Variants in AMN observed in about 807,000 individuals in gnomAD.
AMN encodes the protein protein amnionless.
AMN carries 40 observed loss-of-function variants against 49.1 expected under a neutral mutation model. The observed-to-expected ratio is 0.81, with a 90% confidence interval of 0.63 to 1.06. The LOEUF (loss-of-function observed/expected upper bound fraction) is 1.06. Among genes scored for constraint, AMN ranks in the 50% least tolerant of loss-of-function variants. The probability of loss-of-function intolerance (pLI) is 0.00; values close to 1 mark genes in which losing one functional copy is unlikely to be tolerated. For synonymous variants in AMN, 380 were observed against 313.3 expected (o/e 1.21, Z -2.25); for missense variants, 701 against 662.8 (o/e 1.06, Z -0.63).
In AMN at chr14:102,930,415, G is replaced by T; in HGVS notation, c.1179G>T (p.Arg393Ser). The part of the protein sequence containing the change: ...LRRAGRLRWR[R>S]HEAAAPAGAP... ...CCCGCTACGCCCTCAGGTGGAGGAGGCACGAGGCGGCGGCCCCGGCTGGAG... is the reference window on the plus strand; with the variant it reads ...CCCGCTACGCCCTCAGGTGGAGGAGTCACGAGGCGGCGGCCCCGGCTGGAG... The change falls in exon 11 of 12, where the codon AGG becomes AGT. Residue 393 changes from arginine (R) to serine (S), a missense_variant. Transcript: ENST00000299155. 1 of 1,519,780 alleles carries T rather than the reference G, an allele frequency of 6.6e-7. No individual in the cohort carries two copies. Among genetic ancestry groups the T allele is most frequent in the East Asian group, 2.5e-5 (1 of 39,446 alleles). The allele number at this position is 1,519,780 out of a possible 1,614,324, so 94.1% of individuals were successfully genotyped here. A position where few individuals can be genotyped will look rare whatever the true frequency, so the allele number is the denominator to read the frequency against.
intron 3 of AMN, among the ~76,000 whole-genome samples, chr14:102,926,223 C>G (rs1313722213): frequency 1.3e-5 from 2 of 152,234 alleles, no homozygotes; most frequent in Non-Finnish European, 2.9e-5. Context: ...GCGTCTGCTC[C>G]TCAGTCACAA....
rs766554192 is a variant in AMN at position 102,928,438 on chromosome 14, G to A, written c.220G>A (p.Asp74Asn). ...GTGTCTCTTGCAGCTCCTGCCGCTG[G>A]ATGGGGAACTCGTCCTGGCTTCAGG... ...HAVSDMLLPL[D>N]GELVLASGAG... Residue 74 changes from aspartate (D) to asparagine (N), a missense_variant, in exon 4 of 12, where the codon GAT (aspartate) becomes AAT (asparagine). Physicochemically the swap from Asp to Asn is conservative, Grantham distance 23. Coordinates refer to ENST00000299155, the MANE Select transcript of AMN (RefSeq NM_030943.4). 6.2e-7 allele frequency: 1 copy of A among 1,605,922 alleles called. No individual in the cohort carries two copies. Among genetic ancestry groups the A allele is most frequent in the East Asian group, 2.3e-5 (1 of 44,432 alleles).
intron 3 of AMN, among the ~76,000 whole-genome samples, chr14:102,924,664 G>C (rs1891147209): frequency 6.6e-6 from 1 of 152,168 alleles, no homozygotes; most frequent in Non-Finnish European, 1.5e-5. Flanking sequence ...TTCTCAAACT[G>C]CTTCACACAA....
chr14:102,930,821 C>T lies in AMN; in HGVS notation c.*141C>T, dbSNP rs926666234. The T allele has an allele frequency of 2.0e-6, 2 of 990,278 alleles. No homozygotes were observed. Among genetic ancestry groups the T allele is most frequent in the Admixed American group, 4.1e-5 (2 of 49,302 alleles). 61.3% of individuals were successfully genotyped at this position (990,278 alleles called of 1,614,324 possible). A position where few individuals can be genotyped will look rare whatever the true frequency, so the allele number is the denominator to read the frequency against. On this transcript the variant is annotated 3_prime_UTR_variant, in exon 12 of 12. Transcript: ENST00000299155. ...GGGGGCCAAGGACAGGGTGGCCTTA[C>T]TCAGTAAAGGTGTTTCCTGCACCTG...
In AMN at chr14:102,929,241, G is replaced by T. The variant is rs752884400; in HGVS notation, c.634G>T (p.Val212Phe). The T allele has an allele frequency of 3.1e-5, 46 of 1,505,458 alleles. No homozygotes were observed. Among genetic ancestry groups the T allele is most frequent in the South Asian group, 5.1e-5 (4 of 77,984 alleles). The allele number at this position is 1,505,458 out of a possible 1,614,324, so 93.3% of individuals were successfully genotyped here. ...PEDCADPSGC[V>F]CGNAEAQPWI... Reference sequence around the variant, plus strand: ...GGACTGCGCGGACCCGTCGGGCTGCGTCTGCGGCAACGCGGAGGTGAGCGA... The same window carrying T: ...GGACTGCGCGGACCCGTCGGGCTGCTTCTGCGGCAACGCGGAGGTGAGCGA... Residue 212 changes from valine (V) to phenylalanine (F), a missense_variant, in exon 6 of 12, where the codon GTC becomes TTC. Physicochemically the swap from Val to Phe is conservative, Grantham distance 50. Transcript: ENST00000299155.
At position 102,930,626 on chromosome 14, in the gene AMN, C is replaced by T. The variant is rs772425937; in HGVS notation, c.1308C>T (p.Thr436=). Residue 436 remains threonine (T), a synonymous_variant, in exon 12 of 12, where the codon ACC becomes ACT. Transcript: ENST00000299155. ...SLVPKAAADS[T]SHSYFVNPLF... ...TTCCGAAGGCGGCCGCAGACAGCACCAGCCACAGTTACTTCGTCAACCCTC... is the reference window on the plus strand; with the variant it reads ...TTCCGAAGGCGGCCGCAGACAGCACTAGCCACAGTTACTTCGTCAACCCTC... 3.7e-6 allele frequency: 6 copies of T among 1,601,016 alleles called. No individual in the cohort carries two copies. The highest frequency in any genetic ancestry group is 5.1e-6 in the Non-Finnish European group (6 of 1,175,106).
At chr14:102,923,621 G>A in intron 1 of AMN, 90 bp from the exon 2 acceptor site, 3 of 1,186,444 alleles carry the variant, frequency 2.5e-6, no homozygotes, top group East Asian at 4.7e-5. Context: ...TGATCCGCGC[G>A]GACCTTCCGC....
In AMN at chr14:102,929,523, C is replaced by T; in HGVS notation, c.747C>T (p.Cys249=). ...CHSALRPQGQ[C]CDLCGAVVLL... is the part of the protein sequence containing the mutation. ...GCGCCCTCCGGCCCCAGGGGCAGTG[C>T]TGTGACCTCTGTGGTAAGCGCCCCC... The change falls in exon 7 of 12, where the codon TGC becomes TGT. Residue 249 remains cysteine, a synonymous_variant. Coordinates refer to ENST00000299155, the MANE Select transcript of AMN (RefSeq NM_030943.4). 1.3e-6 allele frequency: 2 copies of T among 1,537,100 alleles called. No homozygotes were observed. Among genetic ancestry groups the T allele is most frequent in the South Asian group, 1.2e-5 (1 of 83,962 alleles).
rs764848388 is a variant in AMN, at chr14:102,928,925, G to C, written c.463G>C (p.Gly155Arg). The C allele has an allele frequency of 3.7e-6, 6 of 1,601,436 alleles. No individual in the cohort carries two copies. The highest frequency in any genetic ancestry group is 5.1e-6 in the Non-Finnish European group (6 of 1,179,772). Residue 155 changes from glycine to arginine, a missense_variant, in exon 5 of 12, where the codon GGC (glycine) becomes CGC (arginine). Gly to Arg is a moderately radical substitution (Grantham distance 125). Coordinates refer to ENST00000299155, the MANE Select transcript of AMN (RefSeq NM_030943.4). ...TAGTGCCTCCTTCCGCGTGGGGCTC[G>C]GCCCTGGCGCTAGCCCCGTGCGTGT... The part of the protein sequence containing the change: ...PPSASFRVGL[G>R]PGASPVRVRS...
chr14:102,925,759 G>A (rs1166045564), intron 3 of AMN, among the ~76,000 whole-genome samples: 1 of 152,134 alleles, frequency 6.6e-6, no homozygotes, highest in Non-Finnish European at 1.5e-5. Flanking sequence ...TGGCCGGTGG[G>A]AACAGCGCAG....
chr14:102,928,714 C>T (rs756822528), intron 4 of AMN, 44 bp from the exon 5 acceptor site: 6 of 1,579,212 alleles, frequency 3.8e-6, no homozygotes, highest in Admixed American at 1.7e-5. Context: ...CGTGGTGTGG[C>T]GCGGCGCTTG....
chr14:102,923,670 T>A, intron 1 of AMN, 41 bp from the exon 2 acceptor site: 1 of 1,553,044 alleles, frequency 6.4e-7, no homozygotes, highest in Non-Finnish European at 8.9e-7. Context: ...GAAGGGAGCA[T>A]CCCGGAGAGC....
intron 3 of AMN, 76 bp downstream of exon 3, chr14:102,924,055 T>A: frequency 6.3e-7 from 1 of 1,597,376 alleles, no homozygotes; most frequent in Non-Finnish European, 8.6e-7. Flanking sequence ...CTGCTGTGCC[T>A]TGAGGGCGGA....
chr14:102,930,833 G>A lies in AMN; in HGVS notation c.*153G>A. On this transcript the variant is annotated 3_prime_UTR_variant, in exon 12 of 12. Transcript: ENST00000299155. ...CAGGGTGGCCTTACTCAGTAAAGGT[G>A]TTTCCTGCACCTGCTGTCAGCCTGG... 2 of 873,032 alleles carry A rather than the reference G, an allele frequency of 2.3e-6. No homozygotes were observed. Among genetic ancestry groups the A allele is most frequent in the Non-Finnish European group, 1.8e-6 (1 of 553,308 alleles). The allele number at this position is 873,032 out of a possible 1,614,324, so 54.1% of individuals were successfully genotyped here.
intron 3 of AMN, among the ~76,000 whole-genome samples, chr14:102,925,541 C>T (rs986541110): frequency 3.9e-5 from 6 of 152,202 alleles, no homozygotes; most frequent in East Asian, 1.9e-4. Context: ...CCAGGCAGCC[C>T]GAGTGAGGGG....
chr14:102,927,768 G>A (rs1274285081), intron 3 of AMN, among the ~76,000 whole-genome samples: 1 of 152,210 alleles, frequency 6.6e-6, no homozygotes, highest in African/African-American at 2.4e-5. Context: ...GGAGGAGAGG[G>A]GGAGTGAGGG....
At chr14:102,926,584 ATTT>A (rs11323567) in intron 3 of AMN, among the ~76,000 whole-genome samples, 1 of 136,798 alleles carries the variant, frequency 7.3e-6, no homozygotes. Context: ...AAAACCCTGG[ATTT>A]TTTTTTTTTT....
Position 102,929,104 on chromosome 14 carries a change from G to A in AMN, c.514-17G>A. 2 of 1,597,626 alleles carry A rather than the reference G, an allele frequency of 1.3e-6. No individual in the cohort carries two copies. Among genetic ancestry groups the A allele is most frequent in the Non-Finnish European group, 1.7e-6 (2 of 1,179,630 alleles). ...TCTTCCTCGGGCTGGCTCCGGTGGG[G>A]ACCCGGCTGCCCGCAGACGTTCACG... is the stretch of plus-strand genomic sequence containing the variant. On this transcript the variant is annotated splice_polypyrimidine_tract_variant and intron_variant, in intron 5 of 11. Transcript: ENST00000299155.
At position 102,928,807 on chromosome 14, in the gene AMN, G is replaced by T; in HGVS notation, c.345G>T (p.Pro115=). The T allele has an allele frequency of 6.2e-7, 1 of 1,607,932 alleles. No individual in the cohort carries two copies. The part of the protein sequence containing the change: ...RDSDRFSWHD[P]HLWRSGDEAP... ...CTGACCGCTTCTCCTGGCATGACCC[G>T]CACCTGTGGCGCTCTGGGGACGAGG... is the stretch of plus-strand genomic sequence containing the variant. Residue 115 remains proline (P), a synonymous_variant, in exon 5 of 12, where the codon CCG becomes CCT. Coordinates refer to ENST00000299155, the MANE Select transcript of AMN (RefSeq NM_030943.4).
Sources: allele counts gnomAD v4.1 joint callset (sites outside exome capture counted in the v4.1 genomes callset), GRCh38; gene constraint gnomAD v4.1.1; transcripts MANE v1.5; gene names NCBI Gene and HGNC (gene_info 2026-07-23, HGNC 2026-07-21).